RBMS3: variants seen among roughly 807,000 people sequenced by gnomAD.
RBMS3 encodes the protein RNA-binding motif, single-stranded-interacting protein 3.
In RBMS3, 27 loss-of-function variants were observed where a neutral mutation model predicts 66.8. That is an observed-to-expected ratio of 0.40 (90% confidence interval 0.30 to 0.56). The LOEUF (loss-of-function observed/expected upper bound fraction) is 0.56, where lower values mean the gene tolerates loss of function less well. Ranked by LOEUF, RBMS3 falls within the 20% of genes least tolerant of loss-of-function variation. The probability of loss-of-function intolerance (pLI) is 0.40; values close to 1 mark genes in which losing one functional copy is unlikely to be tolerated. For missense variants in RBMS3, 513 were observed against 549.5 expected, an observed-to-expected ratio of 0.93 and a Z score of 0.66; for synonymous variants, 188 against 183.0, an observed-to-expected ratio of 1.03 and a Z score of -0.22.
intron 7 of RBMS3, among the ~76,000 whole-genome samples, chr3:29,870,501 A>G (rs2059464703): frequency 6.6e-6 from 1 of 152,184 alleles, no homozygotes; most frequent in Non-Finnish European, 1.5e-5. Context: ...CATACAATAG[A>G]TGGCAATTGC....
At chr3:29,632,765 T>C (rs1222507378) in intron 4 of RBMS3, among the ~76,000 whole-genome samples, 1 of 151,912 alleles carries the variant, frequency 6.6e-6, no homozygotes, top group Non-Finnish European at 1.5e-5. Flanking sequence ...AAGCAAAGAA[T>C]GGATCTTTGT....
chr3:29,291,421 G>C (rs2032801807), intron 1 of RBMS3, among the ~76,000 whole-genome samples: 1 of 151,878 alleles, frequency 6.6e-6, no homozygotes, highest in Non-Finnish European at 1.5e-5. Context: ...TTCAAAAGCA[G>C]ACACATTGGA....
chr3:29,861,853 GTGT>G (rs1225757919), intron 6 of RBMS3, among the ~76,000 whole-genome samples: 1 of 152,148 alleles, frequency 6.6e-6, no homozygotes, highest in Non-Finnish European at 1.5e-5. Flanking sequence ...TTATTGCCAT[GTGT>G]TGTTATAATT....
At chr3:29,522,195 T>C (rs573907887) in intron 3 of RBMS3, among the ~76,000 whole-genome samples, 10 of 151,920 alleles carry the variant, frequency 6.6e-5, no homozygotes, top group Non-Finnish European at 1.3e-4. Context: ...ACCTAGTTTT[T>C]TGTTTTGTTT....
At chr3:29,297,897 G>T (rs770245027) in intron 1 of RBMS3, among the ~76,000 whole-genome samples, 4 of 151,798 alleles carry the variant, frequency 2.6e-5, no homozygotes, top group Non-Finnish European at 5.9e-5. Flanking sequence ...GTGTGGTATT[G>T]GGTTTTAACT....
intron 2 of RBMS3, among the ~76,000 whole-genome samples, chr3:29,443,487 C>T (rs962627513): frequency 1.3e-5 from 2 of 152,112 alleles, no homozygotes; most frequent in African/African-American, 4.8e-5. Flanking sequence ...TAGGAGGTTA[C>T]TCTAGACTAT....
At chr3:29,390,310 A>C (rs1454538252) in intron 1 of RBMS3, among the ~76,000 whole-genome samples, 5 of 152,180 alleles carry the variant, frequency 3.3e-5, no homozygotes, top group African/African-American at 1.2e-4. Context: ...GATTTGGAAA[A>C]TGTGGTTTTG....
intron 7 of RBMS3, chr3:29,880,776 A>C: frequency 6.5e-7 from 1 of 1,535,840 alleles, no homozygotes; most frequent in Non-Finnish European, 8.7e-7. Flanking sequence ...CCTCTTGCCA[A>C]AGGTACTCAG....
At chr3:29,895,731 AT>A (rs1367971120) in intron 8 of RBMS3, among the ~76,000 whole-genome samples, 1 of 151,496 alleles carries the variant, frequency 6.6e-6, no homozygotes, top group Non-Finnish European at 1.5e-5. Context: ...AAAAGTTTTT[AT>A]TTAATTTTGG....
chr3:29,296,462 A>G (rs549197345), intron 1 of RBMS3, among the ~76,000 whole-genome samples: 5 of 151,906 alleles, frequency 3.3e-5, no homozygotes, highest in South Asian at 4.1e-4. Context: ...TGGTTTATCA[A>G]TTGAGCTGGA....
At position 29,281,800 on chromosome 3, in the gene RBMS3, T is replaced by G. The variant is rs372648399; in HGVS notation, c.75+44T>G. 97 of 1,511,344 alleles carry G rather than the reference T, an allele frequency of 6.4e-5. No individual in the cohort carries two copies. In the African/African-American group the frequency reaches 1.3e-3, roughly 20 times the overall value. The allele number at this position is 1,511,344 out of a possible 1,614,324, so 93.6% of individuals were successfully genotyped here. Reference sequence around the variant, plus strand: ...TCTGGCGATCAGCGTGGTATCGTTCTGCACTTGGGATGGGAAACAGACAGG... The same window carrying G: ...TCTGGCGATCAGCGTGGTATCGTTCGGCACTTGGGATGGGAAACAGACAGG... On this transcript the variant is annotated intron_variant, in intron 1 of 14. Coordinates refer to ENST00000383767, the MANE Select transcript of RBMS3 (RefSeq NM_001003793.3).
At chr3:29,929,591 TA>T (rs5847607) in intron 10 of RBMS3, among the ~76,000 whole-genome samples, 6 of 151,072 alleles carry the variant, frequency 4.0e-5, no homozygotes, top group African/African-American at 7.3e-5. Flanking sequence ...ATTATAACTT[TA>T]AAAAAAAATA....
rs539488868 is a variant in RBMS3 at position 29,297,139 on chromosome 3, T to C, written c.75+15383T>C. Among the ~76,000 whole-genome samples, 9 of 151,838 alleles carry C rather than the reference T, an allele frequency of 5.9e-5. No individual in the cohort carries two copies. The South Asian group carries it at 1.9e-3, about 31-fold the overall frequency. ...TCCAATTTTTGATTCTACAACTTGC[T>C]TTAATACGATTTCCCCAGAGTTTCT... On this transcript the variant is annotated intron_variant, in intron 1 of 14. Coordinates refer to ENST00000383767, the MANE Select transcript of RBMS3 (RefSeq NM_001003793.3).
chr3:29,796,093 A>G (rs575167005), intron 6 of RBMS3, among the ~76,000 whole-genome samples: 10 of 152,210 alleles, frequency 6.6e-5, no homozygotes, highest in African/African-American at 2.2e-4. Context: ...GTGAATCTCA[A>G]TAATATTTTG....
chr3:29,529,778 A>C (rs2045278457), intron 3 of RBMS3, among the ~76,000 whole-genome samples: 1 of 152,228 alleles, frequency 6.6e-6, no homozygotes, highest in Non-Finnish European at 1.5e-5. Flanking sequence ...AACTGGAAGC[A>C]AAATTCACAA....
chr3:29,709,212 A>AAC (rs967578049), intron 4 of RBMS3, among the ~76,000 whole-genome samples: 3 of 152,186 alleles, frequency 2.0e-5, no homozygotes, highest in African/African-American at 7.2e-5. Flanking sequence ...ACCTGCAGCC[A>AAC]ACGAGTAATC....
intron 2 of RBMS3, among the ~76,000 whole-genome samples, chr3:29,467,523 A>C (rs1310676421): frequency 6.6e-6 from 1 of 152,122 alleles, no homozygotes; most frequent in African/African-American, 2.4e-5. Context: ...TATGTTTGGG[A>C]TGGTGCTTTA....
chr3:29,488,567 G>C, intron 3 of RBMS3, 68 bp downstream of exon 3: 2 of 1,396,124 alleles, frequency 1.4e-6, no homozygotes, highest in Non-Finnish European at 2.0e-6. Flanking sequence ...CTTCCATTGT[G>C]GAGGTCCAGG....
chr3:29,346,935 A>T (rs2036610532), intron 1 of RBMS3, among the ~76,000 whole-genome samples: 1 of 152,204 alleles, frequency 6.6e-6, no homozygotes, highest in Non-Finnish European at 1.5e-5. Flanking sequence ...TTAAATGGCT[A>T]TTGACCATAT....
Sources: gnomAD v4.1 joint callset for allele counts (sites outside exome capture counted in the v4.1 genomes callset) on GRCh38, gnomAD v4.1.1 for gene constraint, MANE v1.5 for transcripts, NCBI Gene and HGNC (gene_info 2026-07-23, HGNC 2026-07-21) for gene names.